Variants in DAB1 observed in about 807,000 individuals in gnomAD.
The protein encoded by DAB1 is disabled homolog 1.
Under a neutral mutation model 64.6 loss-of-function variants are expected in DAB1, and 15 were observed. The ratio of observed to expected loss-of-function variants is 0.23; its 90% CI spans 0.16 to 0.36. The LOEUF (loss-of-function observed/expected upper bound fraction) is 0.36, where lower values mean the gene tolerates loss of function less well. DAB1 is among the 10% of genes least tolerant of loss of function. DAB1 has a pLI of 1.00. For synonymous variants in DAB1, 235 were observed against 251.9 expected, an observed-to-expected ratio of 0.93 and a Z score of 0.64; for missense variants, 596 against 706.7, an observed-to-expected ratio of 0.84 and a Z score of 1.78.
intron 3 of DAB1, among the ~76,000 whole-genome samples, chr1:58,499,574 C>T (rs1397002392): frequency 6.6e-6 from 1 of 151,602 alleles, no homozygotes; most frequent in Non-Finnish European, 1.5e-5. Flanking sequence ...TTCTGGAGAT[C>T]TACTACACAG....
chr1:58,029,500 T>C (rs2100475561), intron 5 of DAB1, among the ~76,000 whole-genome samples: 1 of 152,302 alleles, frequency 6.6e-6, no homozygotes, highest in East Asian at 1.9e-4. Flanking sequence ...GTTATAGCTG[T>C]ACCTTAAAAG....
chr1:57,488,141 C>T (rs1644115341), intron 7 of DAB1, among the ~76,000 whole-genome samples: 1 of 152,100 alleles, frequency 6.6e-6, no homozygotes, highest in Non-Finnish European at 1.5e-5. Context: ...CGGCGGCTCA[C>T]ACCTGTAATC....
chr1:57,950,173 T>G lies in DAB1; in HGVS notation n.388-66011A>C, dbSNP rs186951095. On this transcript the variant is annotated intron_variant and non_coding_transcript_variant, in intron 5 of 20. Transcript: ENST00000485760. Reference sequence around the variant, plus strand: ...GCTCTGGGACCAGACTGGCCTCAGATGCTGGTTCTGCAAATTTTTAGCTGG... The same window carrying G: ...GCTCTGGGACCAGACTGGCCTCAGAGGCTGGTTCTGCAAATTTTTAGCTGG... Among the ~76,000 whole-genome samples the G allele has an allele frequency of 3.7e-3, 557 of 152,308 alleles. 4 individuals are homozygous for G. The highest frequency in any genetic ancestry group is 0.013 in the African/African-American group (536 of 41,580).
intron 2 of DAB1, among the ~76,000 whole-genome samples, chr1:57,208,278 C>T (rs947214776): frequency 2.8e-4 from 43 of 152,150 alleles, no homozygotes; most frequent in African/African-American, 9.7e-4. Context: ...ATGTCAAGAA[C>T]CTTAAATGTC....
intron 2 of DAB1, among the ~76,000 whole-genome samples, chr1:57,168,269 T>C (rs1233357712): frequency 6.6e-6 from 1 of 152,210 alleles, no homozygotes; most frequent in Non-Finnish European, 1.5e-5. Flanking sequence ...TTCTGATCAA[T>C]TTTTAAAAAT....
intron 7 of DAB1, among the ~76,000 whole-genome samples, chr1:57,625,119 A>G (rs1401797456): frequency 6.6e-6 from 1 of 152,204 alleles, no homozygotes; most frequent in East Asian, 1.9e-4. Context: ...AAAATGTTCC[A>G]CAACAACCTT....
chr1:57,272,208 G>C (rs1359658865), intron 2 of DAB1, among the ~76,000 whole-genome samples: 1 of 152,166 alleles, frequency 6.6e-6, no homozygotes, highest in Admixed American at 6.5e-5. Flanking sequence ...TTCCAGAGGA[G>C]GCCAATGTGA....
At chr1:57,609,662 A>C (rs547170557) in intron 7 of DAB1, among the ~76,000 whole-genome samples, 2 of 152,356 alleles carry the variant, frequency 1.3e-5, no homozygotes, top group South Asian at 4.1e-4. Context: ...GTTTTTTAAG[A>C]TTAAATAAAG....
intron 3 of DAB1, among the ~76,000 whole-genome samples, chr1:58,391,017 T>C (rs769060937): frequency 2.6e-5 from 4 of 152,148 alleles, no homozygotes; most frequent in African/African-American, 9.7e-5. Flanking sequence ...AGGTAGGCAA[T>C]CGCGGTCCCA....
chr1:57,331,897 C>T (rs572624180), intron 1 of DAB1, among the ~76,000 whole-genome samples: 1 of 152,314 alleles, frequency 6.6e-6, no homozygotes. Flanking sequence ...ATCTTGGGTT[C>T]TTGATGACTT....
intron 1 of DAB1, among the ~76,000 whole-genome samples, chr1:57,303,462 A>G (rs1469785780): frequency 6.6e-6 from 1 of 152,192 alleles, no homozygotes. Flanking sequence ...AGAAAGAACT[A>G]CATCCAAGTT....
chr1:57,249,139 A>G (rs1157791947), intron 2 of DAB1, among the ~76,000 whole-genome samples: 1 of 152,178 alleles, frequency 6.6e-6, no homozygotes, highest in Non-Finnish European at 1.5e-5. Context: ...TGAGGAACTT[A>G]CGTTCTAGCC....
intron 2 of DAB1, among the ~76,000 whole-genome samples, chr1:57,193,381 GTTTTTTTTTTTT>G (rs999329119): frequency 3.6e-5 from 3 of 83,060 alleles, no homozygotes; most frequent in African/African-American, 5.0e-5. Context: ...CGTAGCATAT[GTTTTTTTTTTTT>G]TTTTTTTTTT....
chr1:57,705,398 G>A (rs1252349106), intron 6 of DAB1, among the ~76,000 whole-genome samples: 2 of 152,018 alleles, frequency 1.3e-5, no homozygotes, highest in Non-Finnish European at 2.9e-5. Flanking sequence ...ACAGAGTTTA[G>A]TCTATTTACA....
rs570564366 is a variant in DAB1 at position 57,977,730 on chromosome 1, A to G, written n.388-93568T>C. On this transcript the variant is annotated intron_variant and non_coding_transcript_variant, in intron 5 of 20. Transcript: ENST00000485760. ...GACATCCCCCGGACCCACCACAAGA[A>G]TTGCCTTCATCCATAATTATCCACC... Among the ~76,000 whole-genome samples, 3 of 152,256 alleles carry G rather than the reference A, an allele frequency of 2.0e-5. No homozygotes were observed. In the East Asian group the frequency reaches 5.8e-4, roughly 30 times the overall value.
chr1:58,422,902 CA>C (rs1325277409), intron 3 of DAB1, among the ~76,000 whole-genome samples: 1 of 152,186 alleles, frequency 6.6e-6, no homozygotes, highest in Non-Finnish European at 1.5e-5. Flanking sequence ...CTAAATCTAA[CA>C]GGAGCAAATC....
At chr1:58,103,075 G>A (rs1651417847) in intron 5 of DAB1, among the ~76,000 whole-genome samples, 2 of 152,272 alleles carry the variant, frequency 1.3e-5, no homozygotes, top group Non-Finnish European at 2.9e-5. Flanking sequence ...GAGGGGAGAG[G>A]AGAGACAGGG....
chr1:58,312,616 TGA>T (rs1435715733), intron 4 of DAB1, among the ~76,000 whole-genome samples: 1 of 152,156 alleles, frequency 6.6e-6, no homozygotes, highest in Non-Finnish European at 1.5e-5. Flanking sequence ...CTTATAAGTG[TGA>T]GAGTCAATGC....
chr1:58,012,584 G>A (rs569287132), intron 5 of DAB1, among the ~76,000 whole-genome samples: 9 of 152,296 alleles, frequency 5.9e-5, no homozygotes, highest in African/African-American at 9.6e-5. Context: ...GCCTTTAGGA[G>A]GTGATAAGGC....
Sources: allele counts gnomAD v4.1 joint callset (sites outside exome capture counted in the v4.1 genomes callset), GRCh38; gene constraint gnomAD v4.1.1; transcripts MANE v1.5; gene names NCBI Gene and HGNC (gene_info 2026-07-23, HGNC 2026-07-21).